DDX31: variants seen among roughly 807,000 people sequenced by gnomAD.
DDX31 encodes DEAD-box helicase 31.
A neutral mutation model predicts 91.3 loss-of-function variants in DDX31; 70 were observed. The ratio of observed to expected loss-of-function variants is 0.77; its 90% CI spans 0.63 to 0.94. DDX31 has a LOEUF of 0.94. Among genes scored for constraint, DDX31 ranks in the 40% least tolerant of loss-of-function variants. The pLI, the probability that DDX31 is intolerant of heterozygous loss-of-function variation, is 0.00. For missense variants in DDX31, 902 were observed against 925.0 expected, an observed-to-expected ratio of 0.98 and a Z score of 0.32; for synonymous variants, 362 against 350.6, an observed-to-expected ratio of 1.03 and a Z score of -0.36.
chr9:132,661,096 G>C (rs1834904949), intron 4 of DDX31, 112 bp downstream of exon 4: 1 of 867,290 alleles, frequency 1.2e-6, no homozygotes, highest in Admixed American at 2.0e-5. Context: ...TCGATAACCT[G>C]GCACTGTGTT....
chr9:132,603,716 C>T (rs146188159), intron 19 of DDX31, among the ~76,000 whole-genome samples: 1 of 152,330 alleles, frequency 6.6e-6, no homozygotes, highest in East Asian at 1.9e-4. Flanking sequence ...TGGGCAGCTC[C>T]AGCAGTGAAT....
At chr9:132,662,818 A>G (rs1835064643) in intron 1 of DDX31, 123 bp from the exon 2 acceptor site, 3 of 1,293,516 alleles carry the variant, frequency 2.3e-6, no homozygotes, top group East Asian at 2.4e-5. Context: ...TATGCCCCAT[A>G]TGTCAAGCAA....
At chr9:132,654,637 A>C (rs1834432890) in intron 6 of DDX31, among the ~76,000 whole-genome samples, 1 of 151,808 alleles carries the variant, frequency 6.6e-6, no homozygotes, top group East Asian at 1.9e-4. Context: ...AAAACAAAAC[A>C]AAATTCAAAT....
intron 6 of DDX31, among the ~76,000 whole-genome samples, chr9:132,655,518 CAA>C (rs1834504247): frequency 6.6e-6 from 1 of 152,198 alleles, no homozygotes; most frequent in African/African-American, 2.4e-5. Context: ...GGAGGATATA[CAA>C]GAGACTGGTA....
At chr9:132,662,724 C>A in intron 1 of DDX31, 29 bp from the exon 2 acceptor site, 1 of 1,613,180 alleles carries the variant, frequency 6.2e-7, no homozygotes, top group Non-Finnish European at 8.5e-7. Context: ...GAAAGATCAA[C>A]AAGAGATGCA....
chr9:132,669,369 T>G (rs1190814897), intron 1 of DDX31, among the ~76,000 whole-genome samples: 1 of 151,534 alleles, frequency 6.6e-6, no homozygotes, highest in South Asian at 2.1e-4. Context: ...CAGAGCCAGT[T>G]TGGAAAGTAA....
intron 1 of DDX31, among the ~76,000 whole-genome samples, chr9:132,664,869 A>C (rs1335981193): frequency 6.6e-6 from 1 of 151,974 alleles, no homozygotes; most frequent in Non-Finnish European, 1.5e-5. Context: ...TCCTTTGCAC[A>C]TGCTACTCCC....
At chr9:132,640,610 A>G (rs1833441225) in intron 14 of DDX31, among the ~76,000 whole-genome samples, 1 of 151,652 alleles carries the variant, frequency 6.6e-6, no homozygotes, top group South Asian at 2.1e-4. Context: ...GATCCTCCCG[A>G]CTCAGCCTCC....
chr9:132,623,551 CAAAAAAAAAA>C (rs34868804), intron 17 of DDX31, among the ~76,000 whole-genome samples: 4 of 66,762 alleles, frequency 6.0e-5, no homozygotes, highest in Non-Finnish European at 8.5e-5. Context: ...GACTCCATCT[CAAAAAAAAAA>C]AAAAAAAGAA....
At chr9:132,618,518 A>G (rs953623230) in intron 17 of DDX31, 77 bp from the exon 18 acceptor site, 3 of 1,276,250 alleles carry the variant, frequency 2.4e-6, no homozygotes, top group East Asian at 2.5e-5. Context: ...AATAGATTTA[A>G]TAACAGTAAA....
At chr9:132,647,094 A>C (rs374206763) in intron 11 of DDX31, 36 bp from the exon 12 acceptor site, 300 of 1,601,264 alleles carry the variant, frequency 1.9e-4, no homozygotes, top group Non-Finnish European at 2.5e-4. Context: ...GCAGACAACA[A>C]ACACACCATG....
chr9:132,602,780 C>A (rs1229278757), intron 19 of DDX31, among the ~76,000 whole-genome samples: 3 of 152,196 alleles, frequency 2.0e-5, no homozygotes, highest in African/African-American at 7.2e-5. Context: ...ACATGCTGCC[C>A]ATTACGAAGA....
In DDX31 at chr9:132,630,330, C is replaced by T. The variant is rs1263736820; in HGVS notation, c.1565G>A (p.Ser522Asn). 1.2e-6 allele frequency: 2 copies of T among 1,603,828 alleles called. No individual in the cohort carries two copies. The highest frequency in any genetic ancestry group is 1.3e-5 in the African/African-American group (1 of 74,940). ...GRTARIGCHGSSLLILAPSEA... is the reference protein window; with the variant it reads ...GRTARIGCHGNSLLILAPSEA... The stretch of plus-strand genomic sequence containing the variant: ...CGAAGGAGCCAAAATGAGCAGGCTG[C>T]TCCCATGGCAGCCAATCCGGGCGGT... The change falls in exon 16 of 20, where the codon AGC becomes AAC. Residue 522 changes from serine (S) to asparagine (N), a missense_variant. Transcript: ENST00000372159.
chr9:132,658,848 G>C (rs1834752455), intron 5 of DDX31, 113 bp from the exon 6 acceptor site: 3 of 935,782 alleles, frequency 3.2e-6, no homozygotes, highest in Non-Finnish European at 4.8e-6. Flanking sequence ...CTAAATTCTA[G>C]GGAAAGGGAA....
intron 15 of DDX31, among the ~76,000 whole-genome samples, chr9:132,630,653 T>C (rs902735849): frequency 9.2e-5 from 14 of 152,220 alleles, no homozygotes; most frequent in Admixed American, 4.6e-4. Context: ...CTCATCCCAG[T>C]ATCTCCTTTT....
In DDX31 at chr9:132,612,126, C is replaced by G. The variant is rs1172953801; in HGVS notation, c.1955G>C (p.Ser652Thr). 2.5e-6 allele frequency: 4 copies of G among 1,614,216 alleles called. No individual in the cohort carries two copies. The Admixed American group carries it at 6.7e-5, about 27-fold the overall frequency. Residue 652 changes from serine (S) to threonine (T), a missense_variant, in exon 19 of 20, where the codon AGT becomes ACT. Transcript: ENST00000372159. ...TTTCCTCTTCTTTCTAGTCAAGGCA[C>G]TAAGATTCCTGGGGGCATCTCTTAG... ...FGLRDAPRNL[S>T]ALTRKKRKAH...
chr9:132,623,560 A>AG (rs1564295792), intron 17 of DDX31, among the ~76,000 whole-genome samples: 1 of 150,420 alleles, frequency 6.6e-6, no homozygotes, highest in African/African-American at 2.5e-5. Context: ...TCAAAAAAAA[A>AG]AAAAAAAAGA....
intron 14 of DDX31, chr9:132,637,908 G>A: frequency 1.0e-6 from 1 of 992,930 alleles, no homozygotes; most frequent in Non-Finnish European, 1.2e-6. Flanking sequence ...CTGACATTGT[G>A]ACTCTTCACA....
chr9:132,655,333 A>AATTAAGGAG (rs1368845074), intron 6 of DDX31, among the ~76,000 whole-genome samples: 1 of 152,226 alleles, frequency 6.6e-6, no homozygotes, highest in Non-Finnish European at 1.5e-5. Flanking sequence ...ATATGGTGCT[A>AATTAAGGAG]ATTAAGGAGC....
Sources: allele counts gnomAD v4.1 joint callset (sites outside exome capture counted in the v4.1 genomes callset), GRCh38; gene constraint gnomAD v4.1.1; transcripts MANE v1.5; gene names NCBI Gene and HGNC (gene_info 2026-07-23, HGNC 2026-07-21).